The following LUC7L3 variants were observed in gnomAD, a reference collection of about 807,000 sequenced individuals.
The protein encoded by LUC7L3 is luc7-like protein 3.
Under a neutral mutation model 66.8 loss-of-function variants are expected in LUC7L3, and 6 were observed. The ratio of observed to expected loss-of-function variants is 0.09; its 90% CI spans 0.05 to 0.18. LUC7L3 has a LOEUF of 0.18. Ranked by LOEUF, LUC7L3 falls within the 10% of genes least tolerant of loss-of-function variation. The pLI is 1.00. For synonymous variants in LUC7L3, 160 were observed against 174.7 expected (o/e 0.92, Z 0.66); for missense variants, 341 against 531.1 (o/e 0.64, Z 3.52).
At chr17:50,736,545 T>G in intron 1 of LUC7L3, 1 of 164,914 alleles carries the variant, frequency 6.1e-6, no homozygotes, top group Non-Finnish European at 1.3e-5. Flanking sequence ...TTGCTTTAAA[T>G]GAGTGTTAAC....
intron 1 of LUC7L3, among the ~76,000 whole-genome samples, chr17:50,731,524 T>C (rs549558816): frequency 1.3e-5 from 2 of 152,372 alleles, no homozygotes; most frequent in African/African-American, 4.8e-5. Flanking sequence ...AACCCAAATA[T>C]GTTCTTCCCA....
intron 9 of LUC7L3, chr17:50,749,086 A>G (rs1369167021): frequency 2.3e-6 from 1 of 433,498 alleles, no homozygotes; most frequent in Non-Finnish European, 3.7e-6. Flanking sequence ...GTGGTTTCTC[A>G]CACAAAGCTG....
chr17:50,735,960 C>CGT (rs1969960076), intron 1 of LUC7L3, among the ~76,000 whole-genome samples: 3 of 152,194 alleles, frequency 2.0e-5, no homozygotes, highest in Admixed American at 2.0e-4. Context: ...TGGTGAAACC[C>CGT]TGTCTGTACT....
At chr17:50,732,046 G>C (rs1043039961) in intron 1 of LUC7L3, among the ~76,000 whole-genome samples, 1 of 152,150 alleles carries the variant, frequency 6.6e-6, no homozygotes, top group Non-Finnish European at 1.5e-5. Context: ...CATATCCCCA[G>C]ACCCAGGGCT....
chr17:50,727,694 G>A (rs543089318), intron 1 of LUC7L3, among the ~76,000 whole-genome samples: 7 of 152,328 alleles, frequency 4.6e-5, no homozygotes, highest in East Asian at 1.9e-4. Context: ...CACCTTACCA[G>A]CCTGAAGGAA....
intron 1 of LUC7L3, among the ~76,000 whole-genome samples, chr17:50,725,965 A>G (rs778620430): frequency 6.6e-6 from 1 of 152,198 alleles, no homozygotes; most frequent in Non-Finnish European, 1.5e-5. Context: ...ATACTGTAAT[A>G]ATTTTGTAGC....
At chr17:50,733,056 G>T (rs1338262018) in intron 1 of LUC7L3, among the ~76,000 whole-genome samples, 1 of 152,130 alleles carries the variant, frequency 6.6e-6, no homozygotes, top group East Asian at 1.9e-4. Context: ...CATAGACGTT[G>T]TGTCTTACCT....
At chr17:50,746,068 T>C in intron 8 of LUC7L3, 65 bp downstream of exon 8, 1 of 1,506,180 alleles carries the variant, frequency 6.6e-7, no homozygotes, top group Non-Finnish European at 8.8e-7. Flanking sequence ...TAATAACTAC[T>C]AGTATTATTC....
At chr17:50,750,381 T>TG in intron 9 of LUC7L3, 120 bp from the exon 10 acceptor site, 1 of 906,452 alleles carries the variant, frequency 1.1e-6, no homozygotes, top group Non-Finnish European at 1.7e-6. Context: ...ACCAAACCGT[T>TG]GCTTGCAGTC....
At chr17:50,740,259 T>G in intron 2 of LUC7L3, 47 bp from the exon 3 acceptor site, 1 of 1,369,838 alleles carries the variant, frequency 7.3e-7, no homozygotes, top group Non-Finnish European at 1.0e-6. Flanking sequence ...CAAGAAAAGG[T>G]TGCTAATAAT....
At chr17:50,730,460 A>G (rs1364561915) in intron 1 of LUC7L3, among the ~76,000 whole-genome samples, 2 of 131,016 alleles carry the variant, frequency 1.5e-5, no homozygotes, top group Non-Finnish European at 3.1e-5. Flanking sequence ...AGAGGTAGTG[A>G]GCCAAGATCG....
chr17:50,742,716 A>G (rs978785763), intron 5 of LUC7L3, among the ~76,000 whole-genome samples: 10 of 152,188 alleles, frequency 6.6e-5, no homozygotes, highest in African/African-American at 2.4e-4. Context: ...CCAAATATTT[A>G]TCCAAGAGAA....
At chr17:50,742,998 T>C (rs964070258) in intron 5 of LUC7L3, among the ~76,000 whole-genome samples, 4 of 152,180 alleles carry the variant, frequency 2.6e-5, no homozygotes, top group Non-Finnish European at 4.4e-5. Context: ...TATGACTCTA[T>C]ATAAAATTTT....
chr17:50,739,627 C>G (rs1447471054), intron 2 of LUC7L3, among the ~76,000 whole-genome samples: 2 of 150,238 alleles, frequency 1.3e-5, no homozygotes, highest in Non-Finnish European at 3.0e-5. Context: ...GCACTCCGGC[C>G]TGGGCGACAG....
intron 1 of LUC7L3, among the ~76,000 whole-genome samples, chr17:50,728,066 C>T (rs1042653144): frequency 6.0e-5 from 9 of 150,384 alleles, no homozygotes; most frequent in African/African-American, 2.0e-4. Flanking sequence ...TGCAGTGAGC[C>T]GAGATCGCGC....
At chr17:50,719,927 G>T in intron 1 of LUC7L3, 96 bp downstream of exon 1, 1 of 1,123,198 alleles carries the variant, frequency 8.9e-7, no homozygotes, top group Non-Finnish European at 1.2e-6. Flanking sequence ...ATGTGGCCAG[G>T]GCCGCACCCG....
At chr17:50,743,849 T>C (rs936426662) in intron 6 of LUC7L3, 39 bp downstream of exon 6, 3 of 1,365,898 alleles carry the variant, frequency 2.2e-6, no homozygotes, top group Non-Finnish European at 3.1e-6. Context: ...ATCTGTCTGT[T>C]AACAGTTAGT....
At chr17:50,745,430 A>G (rs1179449265) in intron 7 of LUC7L3, among the ~76,000 whole-genome samples, 6 of 152,182 alleles carry the variant, frequency 3.9e-5, no homozygotes, top group African/African-American at 9.7e-5. Flanking sequence ...ATATTTTCCT[A>G]TGTGTAATTA....
chr17:50,736,842 C>G, intron 1 of LUC7L3, 118 bp from the exon 2 acceptor site: 1 of 655,226 alleles, frequency 1.5e-6, no homozygotes, highest in Non-Finnish European at 2.7e-6. Context: ...AAATGAAATT[C>G]TTACATTGGT....
Sources: allele counts gnomAD v4.1 joint callset (sites outside exome capture counted in the v4.1 genomes callset), GRCh38; gene constraint gnomAD v4.1.1; transcripts MANE v1.5; gene names NCBI Gene and HGNC (gene_info 2026-07-23, HGNC 2026-07-21).